The following SSH2 variants were observed in gnomAD, a reference collection of about 807,000 sequenced individuals.
SSH2 encodes protein phosphatase Slingshot homolog 2.
Under a neutral mutation model 135.2 loss-of-function variants are expected in SSH2, and 37 were observed. That is an observed-to-expected ratio of 0.27 (90% CI 0.21 to 0.36). The LOEUF is 0.36. Ranked by LOEUF, SSH2 falls within the 10% of genes least tolerant of loss-of-function variation. The pLI is 1.00. For missense variants in SSH2, 1,408 were observed against 1,765.3 expected, an observed-to-expected ratio of 0.80 and a Z score of 3.63; for synonymous variants, 628 against 646.2, an observed-to-expected ratio of 0.97 and a Z score of 0.43.
chr17:29,732,896 C>T (rs1166169800), intron 3 of SSH2, among the ~76,000 whole-genome samples: 1 of 152,156 alleles, frequency 6.6e-6, no homozygotes, highest in Non-Finnish European at 1.5e-5. Flanking sequence ...ACAGTCATGC[C>T]TAAAGCAAAG....
chr17:29,644,617 G>A (rs1481805642), intron 14 of SSH2, among the ~76,000 whole-genome samples: 1 of 152,006 alleles, frequency 6.6e-6, no homozygotes, highest in Non-Finnish European at 1.5e-5. Flanking sequence ...GACCATCCTG[G>A]CCAACATGGT....
rs938073686 is a variant in SSH2 at position 29,632,020 on chromosome 17, G to A, written c.3174C>T (p.Ala1058=). 1 of 1,614,188 alleles carries A rather than the reference G, an allele frequency of 6.2e-7. No individual in the cohort carries two copies. Among genetic ancestry groups the A allele is most frequent in the Non-Finnish European group, 8.5e-7 (1 of 1,180,022 alleles). ...PNHTGPGSEI[A]TSEKSGEQGL... ...CTTGCTCTCCGCTCTTCTCACTGGT[G>A]GCTATTTCACTCCCTGGCCCAGTGT... The change falls in exon 16 of 16, where the codon GCC becomes GCT. Residue 1058 remains alanine, a synonymous_variant. Transcript: ENST00000540801.
intron 3 of SSH2, among the ~76,000 whole-genome samples, chr17:29,775,195 A>G (rs563806554): frequency 3.9e-5 from 6 of 152,002 alleles, no homozygotes; most frequent in Admixed American, 1.3e-4. Context: ...CAGGGCTTGG[A>G]TTGGACCTTG....
chr17:29,769,844 A>T (rs1417285350), intron 3 of SSH2, among the ~76,000 whole-genome samples: 7 of 152,176 alleles, frequency 4.6e-5, no homozygotes, highest in African/African-American at 1.7e-4. Context: ...GCACTATGTT[A>T]CATGCTGATT....
chr17:29,765,995 G>A (rs917358023), intron 3 of SSH2, among the ~76,000 whole-genome samples: 20 of 132,522 alleles, frequency 1.5e-4, no homozygotes. Flanking sequence ...ACTCCAGCCT[G>A]GATGACAGAG....
chr17:29,872,598 TA>T (rs1398645718), intron 1 of SSH2, among the ~76,000 whole-genome samples: 1 of 150,480 alleles, frequency 6.6e-6, no homozygotes, highest in Non-Finnish European at 1.5e-5. Context: ...TCTACAAAAA[TA>T]AAAAATAAAA....
intron 3 of SSH2, among the ~76,000 whole-genome samples, chr17:29,734,369 C>G (rs2040298378): frequency 6.6e-6 from 1 of 152,134 alleles, no homozygotes; most frequent in Admixed American, 6.5e-5. Flanking sequence ...TGTGGTTGCT[C>G]ACACTTCCAA....
chr17:29,745,952 G>A (rs1369948744), intron 3 of SSH2, among the ~76,000 whole-genome samples: 1 of 152,100 alleles, frequency 6.6e-6, no homozygotes, highest in Non-Finnish European at 1.5e-5. Flanking sequence ...ATAACAAATG[G>A]CAAGTAGTTA....
intron 11 of SSH2, among the ~76,000 whole-genome samples, chr17:29,658,867 C>CAAAAAAAAAAAAAAAAAAAAAAA (rs541052752): frequency 3.0e-5 from 1 of 33,410 alleles, no homozygotes; most frequent in Non-Finnish European, 6.5e-5. Flanking sequence ...AACTCCGTCT[C>CAAAAAAAAAAAAAAAAAAAAAAA]AAAAAAAAAA....
chr17:29,680,775 T>G (rs756400514), intron 6 of SSH2, among the ~76,000 whole-genome samples: 2 of 151,712 alleles, frequency 1.3e-5, no homozygotes, highest in Non-Finnish European at 2.9e-5. Context: ...CAAGATGAAG[T>G]GGGGATAGTT....
In SSH2 at chr17:29,632,283, A is replaced by G; in HGVS notation, c.2911T>C (p.Ser971Pro). Residue 971 changes from serine (S) to proline (P), a missense_variant, in exon 16 of 16, where the codon TCA (serine) becomes CCA (proline). Ser to Pro is a moderately conservative substitution (Grantham distance 74). This residue lies in a region of SSH2 where 1,080 missense variants were observed against 1,144.5 expected (regional missense o/e 0.94). Transcript: ENST00000540801. Reference protein sequence around the residue: ...KGKYSGSEAGSLSHSEQNATV... With the variant: ...KGKYSGSEAGPLSHSEQNATV... ...GCATTCTGCTCAGAATGGGACAGTG[A>G]GCCAGCCTCAGACCCACTGTATTTC... is the stretch of plus-strand genomic sequence containing the variant. 5 of 1,614,090 alleles carry G rather than the reference A, an allele frequency of 3.1e-6. No homozygotes were observed. Among genetic ancestry groups the G allele is most frequent in the Non-Finnish European group, 4.2e-6 (5 of 1,179,980 alleles).
In SSH2 at chr17:29,684,574, G is replaced by A. The variant is rs760484817; in HGVS notation, c.468C>T (p.Ser156=). 1.9e-6 allele frequency: 3 copies of A among 1,612,702 alleles called. No homozygotes were observed. In the South Asian group the frequency reaches 3.3e-5, roughly 18 times the overall value. ...EESIVLGMDF[S]SNDSSTCTMG... ...TGGTACCACCATACCTGTCATTAGA[G>A]GAGAAATCCATTCCTAGGACGATGC... Residue 156 remains serine, a synonymous_variant, in exon 6 of 16, where the codon TCC becomes TCT. Coordinates refer to ENST00000540801, the MANE Select transcript of SSH2 (RefSeq NM_001282129.2).
chr17:29,854,186 C>T (rs1428785035), intron 1 of SSH2, among the ~76,000 whole-genome samples: 1 of 151,850 alleles, frequency 6.6e-6, no homozygotes, highest in Non-Finnish European at 1.5e-5. Context: ...ATCATATTCC[C>T]TACATAACCT....
chr17:29,672,964 C>A (rs1270356417), intron 8 of SSH2, among the ~76,000 whole-genome samples: 6 of 152,110 alleles, frequency 3.9e-5, no homozygotes, highest in African/African-American at 1.4e-4. Context: ...GTCTTGGCCT[C>A]CAAAAATGCT....
chr17:29,927,588 A>C (rs1322746486), intron 1 of SSH2, among the ~76,000 whole-genome samples: 4 of 152,232 alleles, frequency 2.6e-5, no homozygotes, highest in Admixed American at 2.0e-4. Context: ...CTATTTTAAA[A>C]CAAACAACCC....
In SSH2 at chr17:29,631,341, C is replaced by T. The variant is rs1465620986; in HGVS notation, c.3853G>A (p.Ala1285Thr). ...LTKPSQMRRS[A>T]SLAKLGYLDL... ...AAGTAACCTAATTTGGCGAGAGAAG[C>T]TGAGCGCCTCATTTGGGATGGTTTG... The change falls in exon 16 of 16, where the codon GCT (alanine) becomes ACT (threonine). Residue 1285 changes from alanine (A) to threonine (T), a missense_variant. Ala to Thr is a moderately conservative substitution (Grantham distance 58). Coordinates refer to ENST00000540801, the MANE Select transcript of SSH2 (RefSeq NM_001282129.2). 2.5e-6 allele frequency: 4 copies of T among 1,614,138 alleles called. No homozygotes were observed. The Admixed American group carries it at 6.7e-5, about 27-fold the overall frequency.
intron 15 of SSH2, among the ~76,000 whole-genome samples, chr17:29,634,772 T>G (rs1035218339): frequency 6.6e-6 from 1 of 151,938 alleles, no homozygotes; most frequent in African/African-American, 2.4e-5. Context: ...AGGATGGTCT[T>G]GATCTCTTGA....
At chr17:29,697,413 T>C (rs1197913587) in intron 4 of SSH2, among the ~76,000 whole-genome samples, 3 of 152,148 alleles carry the variant, frequency 2.0e-5, no homozygotes, top group African/African-American at 7.2e-5. Context: ...AAGAAGTGGA[T>C]AGAGGCAGGA....
At chr17:29,634,861 T>C (rs1416979775) in intron 15 of SSH2, among the ~76,000 whole-genome samples, 3 of 151,808 alleles carry the variant, frequency 2.0e-5, no homozygotes, top group Non-Finnish European at 4.4e-5. Flanking sequence ...TTCCCCTTGA[T>C]TCTTGAGTAC....
Sources: allele counts gnomAD v4.1 joint callset (sites outside exome capture counted in the v4.1 genomes callset), GRCh38; gene constraint gnomAD v4.1.1; regional missense constraint gnomAD v4.1.1; transcripts MANE v1.5; gene names NCBI Gene and HGNC (gene_info 2026-07-23, HGNC 2026-07-21).